The following ZNF79 variants were observed in gnomAD, a reference collection of about 807,000 sequenced individuals.
ZNF79 encodes the protein ZNFpT7.
ZNF79 carries 13 observed loss-of-function variants against 14.9 expected under a neutral mutation model. That is an observed-to-expected ratio of 0.87 (90% confidence interval 0.57 to 1.38). The LOEUF (loss-of-function observed/expected upper bound fraction) is 1.38. ZNF79 is among the 40% of genes most tolerant of loss of function. The probability of loss-of-function intolerance (pLI) is 0.00; values close to 1 mark genes in which losing one functional copy is unlikely to be tolerated. For synonymous variants in ZNF79, 223 were observed against 235.1 expected (o/e 0.95, Z 0.47); for missense variants, 631 against 630.6 (o/e 1.00, Z -0.01).
At chr9:127,429,263 G>A (rs1015444675) in intron 2 of ZNF79, among the ~76,000 whole-genome samples, 1 of 151,906 alleles carries the variant, frequency 6.6e-6, no homozygotes, top group East Asian at 1.9e-4. Flanking sequence ...TGATCTGCCC[G>A]ACTTGGCCTC....
intron 2 of ZNF79, among the ~76,000 whole-genome samples, chr9:127,432,787 C>T (rs1366832113): frequency 6.6e-6 from 1 of 152,142 alleles, no homozygotes; most frequent in Non-Finnish European, 1.5e-5. Flanking sequence ...TTTAACATCT[C>T]TCAAAACCCT....
chr9:127,445,041 T>TA lies in ZNF79; in HGVS notation c.1343dup (p.Asn448LysfsTer2). ...ACACCGGAGAAAAACCTTATGAGTG[T>TA]AATGAGTGTGGTAAAGCGTTTAACC... is the stretch of plus-strand genomic sequence containing the variant. On this transcript the variant is annotated frameshift_variant, in exon 5 of 5. Transcript: ENST00000342483. LOFTEE classifies it high-confidence loss of function. The TA allele has an allele frequency of 1.9e-6, 3 of 1,614,038 alleles. No individual in the cohort carries two copies. Among genetic ancestry groups the TA allele is most frequent in the Non-Finnish European group, 2.5e-6 (3 of 1,180,020 alleles).
intron 4 of ZNF79, among the ~76,000 whole-genome samples, chr9:127,441,554 G>A (rs1052170548): frequency 2.0e-5 from 3 of 152,198 alleles, no homozygotes; most frequent in African/African-American, 7.2e-5. Flanking sequence ...GCTCACACCT[G>A]TAATCCGAGC....
intron 2 of ZNF79, among the ~76,000 whole-genome samples, chr9:127,430,576 T>C (rs570169887): frequency 6.6e-6 from 1 of 152,366 alleles, no homozygotes; most frequent in African/African-American, 2.4e-5. Context: ...TCCAGATGCA[T>C]CCATGTCACT....
chr9:127,429,906 T>A (rs914176353), intron 2 of ZNF79, among the ~76,000 whole-genome samples: 1 of 150,442 alleles, frequency 6.6e-6, no homozygotes, highest in Non-Finnish European at 1.5e-5. Flanking sequence ...AACCTCCACC[T>A]CCCAGGTTCA....
At chr9:127,425,294 C>T (rs916999466) in intron 1 of ZNF79, among the ~76,000 whole-genome samples, 1 of 152,160 alleles carries the variant, frequency 6.6e-6, no homozygotes, top group African/African-American at 2.4e-5. Flanking sequence ...CTGTGAGGTA[C>T]CAGCCAGGTC....
intron 2 of ZNF79, among the ~76,000 whole-genome samples, chr9:127,432,449 C>G (rs767220795): frequency 1.3e-5 from 2 of 151,992 alleles, no homozygotes; most frequent in African/African-American, 2.4e-5. Flanking sequence ...CACGCCCGGC[C>G]TAAAATTCAT....
intron 1 of ZNF79, among the ~76,000 whole-genome samples, chr9:127,427,587 G>A (rs1358392193): frequency 7.6e-6 from 1 of 131,562 alleles, no homozygotes; most frequent in African/African-American, 2.9e-5. Context: ...TGTTGCCCAC[G>A]CTGGAGCGTA....
In ZNF79 at chr9:127,445,184, A is replaced by G. The variant is rs745807077; in HGVS notation, c.1484A>G (p.His495Arg). ...SSAFVRHQRL[H>R]AGE ...GCCTTCGTTAGACATCAGAGACTCC[A>G]CGCCGGAGAGTAACTAGGAACATGG... The change falls in exon 5 of 5, where the codon CAC becomes CGC. Residue 495 changes from histidine (H) to arginine (R), a missense_variant. His to Arg is a conservative substitution (Grantham distance 29). Coordinates refer to ENST00000342483, the MANE Select transcript of ZNF79 (RefSeq NM_007135.3). The G allele has an allele frequency of 1.2e-6, 2 of 1,613,980 alleles. No homozygotes were observed. Among genetic ancestry groups the G allele is most frequent in the Non-Finnish European group, 1.7e-6 (2 of 1,179,854 alleles).
At chr9:127,432,078 AGTTCT>A (rs1833869751) in intron 2 of ZNF79, among the ~76,000 whole-genome samples, 1 of 151,506 alleles carries the variant, frequency 6.6e-6, no homozygotes, top group Non-Finnish European at 1.5e-5. Context: ...TTTCCTTGTC[AGTTCT>A]GTTCTTTATT....
At chr9:127,431,243 A>G (rs1255496437) in intron 2 of ZNF79, among the ~76,000 whole-genome samples, 1 of 149,346 alleles carries the variant, frequency 6.7e-6, no homozygotes, top group African/African-American at 2.4e-5. Flanking sequence ...GTCTGTTGAT[A>G]GTTTCTTTTT....
chr9:127,427,558 T>C (rs970570148), intron 1 of ZNF79, among the ~76,000 whole-genome samples: 24 of 151,590 alleles, frequency 1.6e-4, no homozygotes, highest in African/African-American at 5.8e-4. Flanking sequence ...TTTTTTTTTT[T>C]TGAGGCAGAG....
chr9:127,444,784 A>G lies in ZNF79; in HGVS notation c.1084A>G (p.Arg362Gly). Residue 362 changes from arginine to glycine, a missense_variant, in exon 5 of 5, where the codon AGA becomes GGA. By Grantham distance (125) the Arg-to-Gly change is moderately radical. Transcript: ENST00000342483. ...QRIHTGEKPY[R>G]CAACGKAFSQ... ...GATTCACACCGGGGAGAAGCCCTAC[A>G]GATGTGCCGCGTGTGGGAAGGCCTT... is the stretch of plus-strand genomic sequence containing the variant. The G allele has an allele frequency of 1.9e-6, 3 of 1,607,164 alleles. No individual in the cohort carries two copies. Among genetic ancestry groups the G allele is most frequent in the Non-Finnish European group, 2.6e-6 (3 of 1,175,370 alleles).
chr9:127,441,773 GTC>G (rs1438505505), intron 4 of ZNF79, among the ~76,000 whole-genome samples: 1 of 151,602 alleles, frequency 6.6e-6, no homozygotes, highest in Non-Finnish European at 1.5e-5. Flanking sequence ...GTAAAACCCT[GTC>G]TCTACTAAAA....
At chr9:127,437,360 T>C (rs1833969274) in intron 4 of ZNF79, among the ~76,000 whole-genome samples, 1 of 150,192 alleles carries the variant, frequency 6.7e-6, no homozygotes, top group African/African-American at 2.4e-5. Flanking sequence ...TGCCTGGGCA[T>C]CTCTGTGTTC....
chr9:127,435,104 C>T lies in ZNF79; in HGVS notation c.120C>T (p.Phe40=), dbSNP rs1039979959. Residue 40 remains phenylalanine, a synonymous_variant, in exon 3 of 5, where the codon TTC becomes TTT. Transcript: ENST00000342483. ...LTAGPRGSTF[F]SSVTVAFAQE... is the part of the protein sequence containing the mutation. ...TGTTTTTTCAGGGATCCACATTCTTCAGCAGTGTGACGGTAGCTTTTGCAC... is the reference window on the plus strand; with the variant it reads ...TGTTTTTTCAGGGATCCACATTCTTTAGCAGTGTGACGGTAGCTTTTGCAC... The T allele has an allele frequency of 2.5e-6, 4 of 1,611,862 alleles. No homozygotes were observed. Among genetic ancestry groups the T allele is most frequent in the Admixed American group, 3.4e-5 (2 of 59,578 alleles).
Position 127,444,092 on chromosome 9 carries a change from C to G in ZNF79, c.392C>G (p.Pro131Arg), listed in dbSNP as rs142694909. The G allele has an allele frequency of 8.7e-6, 14 of 1,612,538 alleles. No individual in the cohort carries two copies. The Admixed American group carries it at 1.8e-4, about 21-fold the overall frequency. Residue 131 changes from proline (P) to arginine (R), a missense_variant, in exon 5 of 5, where the codon CCA becomes CGA. Transcript: ENST00000342483. ...CTTTCTGAAGCTTCATTCCAAGACC[C>G]ATGTGTAGAGATGCCCCCTGGGGAT... is the stretch of plus-strand genomic sequence containing the variant. Reference protein sequence around the residue: ...QALSEASFQDPCVEMPPGDSD... With the variant: ...QALSEASFQDRCVEMPPGDSD...
Position 127,435,182 on chromosome 9 carries a change from G to A in ZNF79, c.198G>A (p.Gly66=), listed in dbSNP as rs751471172. 5.0e-6 allele frequency: 8 copies of A among 1,611,914 alleles called. No homozygotes were observed. Among genetic ancestry groups the A allele is most frequent in the South Asian group, 3.3e-5 (3 of 90,786 alleles). ...CTCCACGGGACAGGTTCAAGGAGGGGATACCAGGAAAGTCCAGGAGCCTTG... is the reference window on the plus strand; with the variant it reads ...CTCCACGGGACAGGTTCAAGGAGGGAATACCAGGAAAGTCCAGGAGCCTTG... ...VSTPRDRFKE[G]IPGKSRSLVL... is the part of the protein sequence containing the mutation. The change falls in exon 3 of 5, where the codon GGG becomes GGA. Residue 66 remains glycine (G), a synonymous_variant. Coordinates refer to ENST00000342483, the MANE Select transcript of ZNF79 (RefSeq NM_007135.3).
intron 2 of ZNF79, among the ~76,000 whole-genome samples, chr9:127,429,161 G>T (rs1190903422): frequency 1.3e-5 from 2 of 151,988 alleles, no homozygotes; most frequent in African/African-American, 4.8e-5. Context: ...TTACAGGCAC[G>T]CATCACCACA....
Sources: allele counts gnomAD v4.1 joint callset (sites outside exome capture counted in the v4.1 genomes callset), GRCh38; gene constraint gnomAD v4.1.1; transcripts MANE v1.5; gene names NCBI Gene and HGNC (gene_info 2026-07-23, HGNC 2026-07-21).